Variants in RARA observed in about 807,000 individuals in gnomAD.
RARA encodes the protein retinoic acid receptor alpha, also known as PML-DDX5-RARA fusion.
RARA carries 5 observed loss-of-function variants against 42.8 expected under a neutral mutation model. That is an observed-to-expected ratio of 0.12 (90% CI 0.06 to 0.25). The LOEUF (loss-of-function observed/expected upper bound fraction) is 0.25, where lower values mean the gene tolerates loss of function less well. RARA is among the 10% of genes least tolerant of loss of function. The probability of loss-of-function intolerance (pLI) is 1.00; values close to 1 mark genes in which losing one functional copy is unlikely to be tolerated. For missense variants in RARA, 402 were observed against 628.7 expected, an observed-to-expected ratio of 0.64 and a Z score of 3.86; for synonymous variants, 256 against 259.5, an observed-to-expected ratio of 0.99 and a Z score of 0.13.
In RARA at chr17:40,320,148, C is replaced by T. The variant is rs1027928275; in HGVS notation, c.-362-10709C>T. ...TGCAGGGGTTTCACCATCAGACTGG[C>T]GACGGTGGCACAGATGCAGTGGCAG... On this transcript the variant is annotated intron_variant, in intron 1 of 8. Coordinates refer to ENST00000254066, the MANE Select transcript of RARA (RefSeq NM_000964.4). The surrounding 1 kb of genome is among the most constrained non-coding windows in gnomAD (Gnocchi z 4.1). Among the ~76,000 whole-genome samples, 34 of 152,168 alleles carry T rather than the reference C, an allele frequency of 2.2e-4. No individual in the cohort carries two copies. Among genetic ancestry groups the T allele is most frequent in the African/African-American group, 8.0e-4 (33 of 41,506 alleles).
intron 3 of RARA, chr17:40,349,523 G>A: frequency 4.8e-6 from 2 of 415,044 alleles, no homozygotes; most frequent in East Asian, 4.4e-5. Context: ...TTCCCTGGAA[G>A]GGAGGAGTCA....
rs1250357259 is a variant in RARA, at chr17:40,356,354, T to G, written c.*128T>G. ...CCCGGGCAGTACTGGGGACCTTCCC[T>G]GGGGGACGGGGAGGGAGGAGGCAGC... On this transcript the variant is annotated 3_prime_UTR_variant, in exon 9 of 9. Coordinates refer to ENST00000254066, the MANE Select transcript of RARA (RefSeq NM_000964.4). 3.8e-6 allele frequency: 4 copies of G among 1,056,592 alleles called. No individual in the cohort carries two copies. The East Asian group carries it at 7.7e-5, about 20-fold the overall frequency. 65.5% of individuals were successfully genotyped at this position (1,056,592 alleles called of 1,614,324 possible). A position where few individuals can be genotyped will look rare whatever the true frequency, so the allele number is the denominator to read the frequency against.
At chr17:40,318,535 A>T (rs2033269090) in intron 1 of RARA, 1 of 152,124 alleles carries the variant, frequency 6.6e-6, no homozygotes, top group Non-Finnish European at 1.5e-5. Flanking sequence ...GTGCTGCGGG[A>T]GGGGACTGGG....
At position 40,320,386 on chromosome 17, in the gene RARA, G is replaced by A. The variant is rs370137112; in HGVS notation, c.-362-10471G>A. On this transcript the variant is annotated intron_variant, in intron 1 of 8. Coordinates refer to ENST00000254066, the MANE Select transcript of RARA (RefSeq NM_000964.4). The surrounding 1 kb of genome is among the most constrained non-coding windows in gnomAD (Gnocchi z 4.1). The stretch of plus-strand genomic sequence containing the variant: ...TCCTGATCACCCATGTGCCTCCCCC[G>A]CTGGGCACAGTCACCCACACATGCC... 6.6e-5 allele frequency among the ~76,000 whole-genome samples: 10 copies of A among 152,222 alleles called. No homozygotes were observed. Among genetic ancestry groups the A allele is most frequent in the Admixed American group, 2.0e-4 (3 of 15,300 alleles).
Position 40,356,334 on chromosome 17 carries a change from G to A in RARA, c.*108G>A, listed in dbSNP as rs1389390755. ...GCCCTGCCCCCACCTGCCCTCCCGG[G>A]CAGTACTGGGGACCTTCCCTGGGGG... On this transcript the variant is annotated 3_prime_UTR_variant, in exon 9 of 9. Transcript: ENST00000254066. 2 of 1,240,584 alleles carry A rather than the reference G, an allele frequency of 1.6e-6. No homozygotes were observed. Among genetic ancestry groups the A allele is most frequent in the South Asian group, 1.3e-5 (1 of 78,100 alleles). 76.8% of individuals were successfully genotyped at this position (1,240,584 alleles called of 1,614,324 possible). A position where few individuals can be genotyped will look rare whatever the true frequency, so the allele number is the denominator to read the frequency against.
chr17:40,325,375 G>A (rs1187384620), intron 1 of RARA, among the ~76,000 whole-genome samples: 5 of 152,164 alleles, frequency 3.3e-5, no homozygotes, highest in African/African-American at 4.8e-5. Flanking sequence ...CCGAGTGGCC[G>A]GATTGTAGGC....
At position 40,326,851 on chromosome 17, in the gene RARA, T is replaced by C. The variant is rs1422075044; in HGVS notation, c.-362-4006T>C. ...GTGTCTCTCTGAGGGTCATAGCTTC[T>C]GATGGACCTTCTGAGGCAGAGTCTG... is the stretch of plus-strand genomic sequence containing the variant. On this transcript the variant is annotated intron_variant, in intron 1 of 8. Coordinates refer to ENST00000254066, the MANE Select transcript of RARA (RefSeq NM_000964.4). This position sits in a 1 kb window ranked among gnomAD's most constrained non-coding sequence, Gnocchi z 5.2. 6.6e-6 allele frequency among the ~76,000 whole-genome samples: 1 copy of C among 152,136 alleles called. No individual in the cohort carries two copies. Among genetic ancestry groups the C allele is most frequent in the Non-Finnish European group, 1.5e-5 (1 of 68,012 alleles).
At chr17:40,340,367 G>A (rs550359485) in intron 2 of RARA, among the ~76,000 whole-genome samples, 1 of 152,196 alleles carries the variant, frequency 6.6e-6, no homozygotes, top group East Asian at 1.9e-4. Flanking sequence ...TTGCATTTAG[G>A]ATAAAATCCA....
chr17:40,357,640 T>C lies in RARA; in HGVS notation c.*1414T>C, dbSNP rs898046509. 4 of 220,936 alleles carry C rather than the reference T, an allele frequency of 1.8e-5. No homozygotes were observed. The highest frequency in any genetic ancestry group is 1.8e-4 in the South Asian group (1 of 5,430). 13.7% of individuals were successfully genotyped at this position (220,936 alleles called of 1,614,324 possible). ...GGATAAAGAATAAAGTTCTATTTAT[T>C]CTACACATGCCTCCAGCCTTGCTGC... On this transcript the variant is annotated 3_prime_UTR_variant, in exon 9 of 9. Transcript: ENST00000254066.
At chr17:40,334,197 C>T (rs2033781093) in intron 2 of RARA, among the ~76,000 whole-genome samples, 1 of 152,324 alleles carries the variant, frequency 6.6e-6, no homozygotes, top group South Asian at 2.1e-4. Context: ...GTGGGGAAGG[C>T]TTCCCATCCT....
intron 1 of RARA, among the ~76,000 whole-genome samples, chr17:40,319,542 G>A (rs1483686127): frequency 1.8e-5 from 1 of 56,162 alleles, no homozygotes; most frequent in Non-Finnish European, 3.6e-5. Context: ...CCCACCCCCT[G>A]CTGCTTACCC....
At chr17:40,336,366 G>A (rs2033850230) in intron 2 of RARA, among the ~76,000 whole-genome samples, 1 of 152,112 alleles carries the variant, frequency 6.6e-6, no homozygotes, top group Non-Finnish European at 1.5e-5. Context: ...GTGAGCCACT[G>A]CACCTGGCCA....
chr17:40,341,363 G>C, intron 2 of RARA: 1 of 1,447,526 alleles, frequency 6.9e-7, no homozygotes, highest in African/African-American at 1.5e-5. Context: ...GCGCTGCCGC[G>C]TCGGGTTCCG....
rs200426208 is a variant in RARA, at chr17:40,317,697, CT to C, written c.-363+8424del. On this transcript the variant is annotated intron_variant, in intron 1 of 8. Coordinates refer to ENST00000254066, the MANE Select transcript of RARA (RefSeq NM_000964.4). Reference sequence around the variant, plus strand: ...CTTGCGGGAGATCTACTCCTGGACTCTTTTTTTTTTTTTCTTTTTCTTGCAG... The same window carrying C: ...CTTGCGGGAGATCTACTCCTGGACTCTTTTTTTTTTTTCTTTTTCTTGCAG... Among the ~76,000 whole-genome samples, 651 of 144,014 alleles carry C rather than the reference CT, an allele frequency of 4.5e-3. 6 individuals carry two copies. Among genetic ancestry groups the C allele is most frequent in the African/African-American group, 9.1e-3 (357 of 39,434 alleles). The allele number at this position is 144,014 out of a possible 152,430, so 94.5% of individuals were successfully genotyped here.
At chr17:40,353,330 G>A (rs556862065) in intron 6 of RARA, among the ~76,000 whole-genome samples, 1 of 152,282 alleles carries the variant, frequency 6.6e-6, no homozygotes, top group African/African-American at 2.4e-5. Flanking sequence ...AACTGCCAAA[G>A]CCTAGGCTGG....
chr17:40,356,116 C>G lies in RARA; in HGVS notation c.1279C>G (p.Pro427Ala), dbSNP rs1379873029. 2.6e-6 allele frequency: 4 copies of G among 1,560,274 alleles called. No homozygotes were observed. Among genetic ancestry groups the G allele is most frequent in the Non-Finnish European group, 3.5e-6 (4 of 1,156,180 alleles). Reference protein sequence around the residue: ...SEGLDTLSGQPGGGGRDGGGL... With the variant: ...SEGLDTLSGQAGGGGRDGGGL... The stretch of plus-strand genomic sequence containing the variant: ...GGGCCTGGACACTCTGAGCGGACAG[C>G]CGGGGGGTGGGGGGCGGGACGGGGG... The change falls in exon 9 of 9, where the codon CCG becomes GCG. Residue 427 changes from proline (P) to alanine (A), a missense_variant. Pro to Ala is a conservative substitution (Grantham distance 27). Coordinates refer to ENST00000254066, the MANE Select transcript of RARA (RefSeq NM_000964.4).
intron 2 of RARA, chr17:40,342,744 C>G: frequency 6.2e-7 from 1 of 1,612,316 alleles, no homozygotes; most frequent in Non-Finnish European, 8.5e-7. Flanking sequence ...CACCCCTAAT[C>G]CCTTCCTAGT....
chr17:40,334,644 T>G (rs2033792368), intron 2 of RARA, among the ~76,000 whole-genome samples: 1 of 152,096 alleles, frequency 6.6e-6, no homozygotes, highest in African/African-American at 2.4e-5. Flanking sequence ...CCAGGAGAGG[T>G]GGCAATCCAT....
chr17:40,346,142 A>T (rs901301156), intron 2 of RARA, among the ~76,000 whole-genome samples: 1 of 152,096 alleles, frequency 6.6e-6, no homozygotes, highest in African/African-American at 2.4e-5. Flanking sequence ...TAAAAAGCAC[A>T]TTCTCTCAGT....
Sources: gnomAD v4.1 joint callset for allele counts (sites outside exome capture counted in the v4.1 genomes callset) on GRCh38, gnomAD v4.1.1 for gene constraint, Gnocchi (gnomAD v3.1) non-coding constraint, MANE v1.5 for transcripts, NCBI Gene and HGNC (gene_info 2026-07-23, HGNC 2026-07-21) for gene names.